GCH1: variants seen among roughly 807,000 people sequenced by gnomAD.
GCH1 encodes the protein GTP cyclohydrolase 1, also known as GTP cyclohydrolase I.
Under a neutral mutation model 25.9 loss-of-function variants are expected in GCH1, and 5 were observed. That is an observed-to-expected ratio of 0.19 (90% CI 0.10 to 0.41). The LOEUF (loss-of-function observed/expected upper bound fraction) is 0.41. Among genes scored for constraint, GCH1 ranks in the 10% least tolerant of loss-of-function variants. The pLI is 1.00. For missense variants in GCH1, 261 were observed against 336.5 expected, an observed-to-expected ratio of 0.78 and a Z score of 1.75; for synonymous variants, 159 against 129.6, an observed-to-expected ratio of 1.23 and a Z score of -1.54.
chr14:54,875,589 A>C (rs968275512), intron 1 of GCH1, among the ~76,000 whole-genome samples: 1 of 152,232 alleles, frequency 6.6e-6, no homozygotes, highest in Non-Finnish European at 1.5e-5. Flanking sequence ...CAAAGGGCTA[A>C]TATCCAGAAT....
intron 1 of GCH1, among the ~76,000 whole-genome samples, chr14:54,896,247 A>G (rs145460207): frequency 1.3e-5 from 2 of 152,292 alleles, no homozygotes; most frequent in East Asian, 1.9e-4. Context: ...AAAACAATAT[A>G]TAGTGGCCAC....
intron 3 of GCH1, among the ~76,000 whole-genome samples, chr14:54,849,618 T>C (rs991124658): frequency 2.6e-5 from 4 of 152,246 alleles, no homozygotes; most frequent in African/African-American, 9.6e-5. Flanking sequence ...TTATTAGGCT[T>C]TCTGAAGACC....
intron 1 of GCH1, among the ~76,000 whole-genome samples, chr14:54,883,078 A>G (rs1166215897): frequency 6.6e-6 from 1 of 152,116 alleles, no homozygotes; most frequent in Admixed American, 6.5e-5. Context: ...AGGGTTGAAA[A>G]CAGACCCACT....
intron 1 of GCH1, among the ~76,000 whole-genome samples, chr14:54,871,481 G>T (rs1042246181): frequency 2.6e-5 from 4 of 152,162 alleles, no homozygotes; most frequent in Non-Finnish European, 4.4e-5. Flanking sequence ...ACCAGCAACG[G>T]AACAAAGCCA....
chr14:54,871,214 C>T lies in GCH1; in HGVS notation c.344-5778G>A, dbSNP rs149096524. ...CCAATATCCACTGTTCTGCAGCCTCCGCTGCTAATACCCAGGCAAACAGGG... is the reference window on the plus strand; with the variant it reads ...CCAATATCCACTGTTCTGCAGCCTCTGCTGCTAATACCCAGGCAAACAGGG... On this transcript the variant is annotated intron_variant, in intron 1 of 5. Transcript: ENST00000491895. Among the ~76,000 whole-genome samples the T allele has an allele frequency of 7.7e-4, 117 of 152,314 alleles. No homozygotes were observed. In the South Asian group the frequency reaches 0.012, roughly 16 times the overall value.
intron 1 of GCH1, among the ~76,000 whole-genome samples, chr14:54,867,827 T>A (rs1338089683): frequency 6.6e-6 from 1 of 152,152 alleles, no homozygotes; most frequent in Admixed American, 6.6e-5. Flanking sequence ...GCTGCAAAGC[T>A]ATGTATCTCC....
chr14:54,848,548 G>T (rs2039679276), intron 3 of GCH1, among the ~76,000 whole-genome samples: 1 of 152,110 alleles, frequency 6.6e-6, no homozygotes, highest in South Asian at 2.1e-4. Context: ...TTAAATTCAT[G>T]GCCTTTTGAT....
chr14:54,850,082 C>G (rs2039702914), intron 3 of GCH1, among the ~76,000 whole-genome samples: 1 of 151,998 alleles, frequency 6.6e-6, no homozygotes. Flanking sequence ...TCAAGCAATT[C>G]TCTACCTCAG....
At chr14:54,850,120 C>T (rs1416035475) in intron 3 of GCH1, among the ~76,000 whole-genome samples, 1 of 151,820 alleles carries the variant, frequency 6.6e-6, no homozygotes, top group African/African-American at 2.4e-5. Context: ...ATTACAGGTG[C>T]CTGCCACCAC....
At chr14:54,895,417 C>T (rs1303887714) in intron 1 of GCH1, among the ~76,000 whole-genome samples, 1 of 152,194 alleles carries the variant, frequency 6.6e-6, no homozygotes, top group African/African-American at 2.4e-5. Flanking sequence ...AGTCAAGACT[C>T]TTGCATATTC....
intron 1 of GCH1, among the ~76,000 whole-genome samples, chr14:54,893,979 G>A (rs889937943): frequency 6.6e-6 from 1 of 152,162 alleles, no homozygotes; most frequent in Non-Finnish European, 1.5e-5. Context: ...GTTCCATGAA[G>A]GCAGGAACTA....
Position 54,892,386 on chromosome 14 carries a change from T to C in GCH1, c.343+9935A>G, listed in dbSNP as rs533862649. On this transcript the variant is annotated intron_variant, in intron 1 of 5. Coordinates refer to ENST00000491895, the MANE Select transcript of GCH1 (RefSeq NM_000161.3). ...TAAAATATAATATGTGTTGAGAATA[T>C]ACAACATTGTACAGAATGAATTACT... is the stretch of plus-strand genomic sequence containing the variant. 9.8e-4 allele frequency among the ~76,000 whole-genome samples: 149 copies of C among 152,326 alleles called. 3 individuals are homozygous for C. Among genetic ancestry groups the C allele is most frequent in the Non-Finnish European group, 2.2e-4 (15 of 68,020 alleles).
At chr14:54,875,724 C>A (rs1298287223) in intron 1 of GCH1, among the ~76,000 whole-genome samples, 2 of 152,194 alleles carry the variant, frequency 1.3e-5, no homozygotes, top group Non-Finnish European at 2.9e-5. Context: ...GACCTTTATG[C>A]AGCCAAAAGA....
intron 1 of GCH1, among the ~76,000 whole-genome samples, chr14:54,881,004 T>A (rs1196777799): frequency 6.6e-6 from 1 of 151,308 alleles, no homozygotes; most frequent in Non-Finnish European, 1.5e-5. Flanking sequence ...TTTGTATTTT[T>A]AGTAGAGACA....
intron 3 of GCH1, among the ~76,000 whole-genome samples, chr14:54,849,646 C>T (rs1174161485): frequency 6.6e-6 from 1 of 152,156 alleles, no homozygotes; most frequent in Non-Finnish European, 1.5e-5. Context: ...TGCATGTGTT[C>T]TAGAAACTTT....
chr14:54,860,470 A>C lies in GCH1; in HGVS notation c.454-734T>G, dbSNP rs2140064828. ...ATCCCACCGCAAAGCCCTGCAGCAC[A>C]GAAGGTCTCCACACCCTTTTGTGCT... On this transcript the variant is annotated intron_variant, in intron 2 of 5. Transcript: ENST00000491895. Among the ~76,000 whole-genome samples the C allele has an allele frequency of 2.0e-5, 3 of 152,046 alleles. No individual in the cohort carries two copies. The Middle Eastern group carries it at 0.01, about 521-fold the overall frequency.
chr14:54,862,596 T>G (rs1312316571), intron 2 of GCH1, among the ~76,000 whole-genome samples: 1 of 131,598 alleles, frequency 7.6e-6, no homozygotes, highest in Non-Finnish European at 1.6e-5. Context: ...GGTTTTCGTT[T>G]TTTTTTTTTT....
rs530038832 is a variant in GCH1 at position 54,845,505 on chromosome 14, A to G, written c.626+263T>C. Among the ~76,000 whole-genome samples, 6 of 151,770 alleles carry G rather than the reference A, an allele frequency of 4.0e-5. No individual in the cohort carries two copies. The East Asian group carries it at 9.7e-4, about 24-fold the overall frequency. On this transcript the variant is annotated intron_variant, in intron 5 of 5. Transcript: ENST00000491895. ...AAAAAAAAAAGGCTATTGATTATGCAAATCTCTACACCTGTGCTTTTAACT... is the reference window on the plus strand; with the variant it reads ...AAAAAAAAAAGGCTATTGATTATGCGAATCTCTACACCTGTGCTTTTAACT...
chr14:54,864,586 T>C (rs2039964863), intron 2 of GCH1, among the ~76,000 whole-genome samples: 1 of 152,212 alleles, frequency 6.6e-6, no homozygotes. Flanking sequence ...GTATTTACAC[T>C]GCATTTGGTT....
Sources: gnomAD v4.1 joint callset for allele counts (sites outside exome capture counted in the v4.1 genomes callset) on GRCh38, gnomAD v4.1.1 for gene constraint, MANE v1.5 for transcripts, NCBI Gene and HGNC (gene_info 2026-07-23, HGNC 2026-07-21) for gene names.